The following PPM1L variants were observed in gnomAD, a reference collection of about 807,000 sequenced individuals.
PPM1L encodes protein phosphatase, Mg2+/Mn2+ dependent 1L, also known as protein phosphatase 1L.
PPM1L carries 13 observed loss-of-function variants against 31.4 expected under a neutral mutation model. The observed-to-expected ratio is 0.41, with a 90% CI of 0.27 to 0.66. The LOEUF (loss-of-function observed/expected upper bound fraction) is 0.66, where lower values mean the gene tolerates loss of function less well. Ranked by LOEUF, PPM1L falls within the 30% of genes least tolerant of loss-of-function variation. The pLI, the probability that PPM1L is intolerant of heterozygous loss-of-function variation, is 0.29. For synonymous variants in PPM1L, 184 were observed against 175.4 expected (o/e 1.05, Z -0.39); for missense variants, 326 against 453.7 (o/e 0.72, Z 2.56).
chr3:160,988,879 A>G (rs1717044063), intron 2 of PPM1L, among the ~76,000 whole-genome samples: 2 of 152,152 alleles, frequency 1.3e-5, no homozygotes, highest in Admixed American at 1.3e-4. Flanking sequence ...ATGATTTCAT[A>G]AACTAGTTCT....
chr3:160,831,881 A>T (rs1713535783), intron 1 of PPM1L, among the ~76,000 whole-genome samples: 1 of 152,170 alleles, frequency 6.6e-6, no homozygotes, highest in African/African-American at 2.4e-5. Context: ...ATCTCTCTTC[A>T]GTCCCTAGTA....
At chr3:160,939,545 G>T (rs1239062357) in intron 1 of PPM1L, 1 of 152,232 alleles carries the variant, frequency 6.6e-6, no homozygotes, top group Non-Finnish European at 1.5e-5. Context: ...GAATCATGGG[G>T]CCCTGTCTTT....
chr3:161,040,113 A>G (rs1718866707), intron 2 of PPM1L, among the ~76,000 whole-genome samples: 1 of 152,186 alleles, frequency 6.6e-6, no homozygotes. Context: ...AGAATTTGCC[A>G]TGGTTCATGA....
chr3:160,802,995 G>A (rs1712480518), intron 1 of PPM1L, among the ~76,000 whole-genome samples: 1 of 152,200 alleles, frequency 6.6e-6, no homozygotes, highest in South Asian at 2.1e-4. Flanking sequence ...TTAACTTCAA[G>A]ATACCTGGAT....
intron 2 of PPM1L, 150 bp from the exon 3 acceptor site, chr3:161,065,253 G>A: frequency 1.5e-6 from 1 of 672,498 alleles, no homozygotes; most frequent in Non-Finnish European, 2.6e-6. Flanking sequence ...TGTTGTCGAA[G>A]TGAACAGCCA....
intron 1 of PPM1L, among the ~76,000 whole-genome samples, chr3:160,925,330 G>T (rs1559889751): frequency 6.6e-6 from 1 of 152,076 alleles, no homozygotes; most frequent in East Asian, 1.9e-4. Context: ...TTTTTGAGAG[G>T]TTTTTTATTT....
At chr3:160,851,830 T>C (rs748336598) in intron 1 of PPM1L, among the ~76,000 whole-genome samples, 5 of 152,210 alleles carry the variant, frequency 3.3e-5, no homozygotes, top group Non-Finnish European at 7.3e-5. Context: ...TACTCCGTAG[T>C]GACCCTTTCC....
intron 1 of PPM1L, among the ~76,000 whole-genome samples, chr3:160,819,440 C>A (rs557917193): frequency 6.6e-6 from 1 of 152,088 alleles, no homozygotes; most frequent in South Asian, 2.1e-4. Flanking sequence ...ACAAATGAAG[C>A]CTGCACTACA....
chr3:160,897,042 C>CTTT (rs11298068), intron 1 of PPM1L, among the ~76,000 whole-genome samples: 5 of 107,434 alleles, frequency 4.7e-5, no homozygotes, highest in South Asian at 3.0e-4. Context: ...ACTACTGACT[C>CTTT]TTTTTTTTTT....
intron 2 of PPM1L, among the ~76,000 whole-genome samples, chr3:161,015,090 G>A (rs966254499): frequency 2.0e-5 from 3 of 149,202 alleles, no homozygotes; most frequent in African/African-American, 7.4e-5. Flanking sequence ...AGCAAAGGGG[G>A]GTGAATGGGA....
chr3:161,012,695 C>G (rs997262098), intron 2 of PPM1L, among the ~76,000 whole-genome samples: 86 of 151,966 alleles, frequency 5.7e-4, no homozygotes, highest in African/African-American at 1.4e-3. Flanking sequence ...ACAATTTCAG[C>G]TCCTGTTATT....
intron 2 of PPM1L, among the ~76,000 whole-genome samples, chr3:161,017,190 A>G (rs1476416153): frequency 1.3e-5 from 2 of 152,156 alleles, no homozygotes; most frequent in African/African-American, 4.8e-5. Flanking sequence ...CAGTTATCTT[A>G]AGGGTGAAAT....
intron 1 of PPM1L, among the ~76,000 whole-genome samples, chr3:160,772,147 G>T (rs1054843675): frequency 6.6e-6 from 1 of 152,040 alleles, no homozygotes; most frequent in Non-Finnish European, 1.5e-5. Flanking sequence ...GAAGTCATGG[G>T]GTAAAGAACT....
At chr3:160,843,423 CTTTTATAT>C (rs1166175464) in intron 1 of PPM1L, among the ~76,000 whole-genome samples, 4 of 28,544 alleles carry the variant, frequency 1.4e-4, no homozygotes, top group African/African-American at 5.1e-4. Context: ...TATGGCAATT[CTTTTATAT>C]ATATATATAT....
intron 1 of PPM1L, among the ~76,000 whole-genome samples, chr3:160,916,669 C>A (rs1002415593): frequency 6.6e-6 from 1 of 151,950 alleles, no homozygotes; most frequent in Admixed American, 6.6e-5. Flanking sequence ...AGATGAGTGC[C>A]AGTTTTATAT....
chr3:160,860,174 G>A (rs1264351651), intron 1 of PPM1L, among the ~76,000 whole-genome samples: 2 of 152,180 alleles, frequency 1.3e-5, no homozygotes, highest in African/African-American at 4.8e-5. Flanking sequence ...AATCTGGACT[G>A]AGGAGTTTAA....
chr3:161,057,047 G>A (rs1006180230), intron 2 of PPM1L, among the ~76,000 whole-genome samples: 3 of 151,244 alleles, frequency 2.0e-5, no homozygotes, highest in Non-Finnish European at 4.4e-5. Context: ...CGGGCAACAA[G>A]AGTGAACTCC....
intron 1 of PPM1L, among the ~76,000 whole-genome samples, chr3:160,816,676 A>G (rs1052114936): frequency 3.9e-5 from 6 of 152,166 alleles, no homozygotes; most frequent in Non-Finnish European, 8.8e-5. Context: ...AGGGGAAAAA[A>G]TCTAGAAAAC....
intron 1 of PPM1L, among the ~76,000 whole-genome samples, chr3:160,928,529 C>T (rs1296737772): frequency 2.6e-5 from 4 of 152,170 alleles, no homozygotes; most frequent in East Asian, 1.9e-4. Flanking sequence ...CTTCCGACTC[C>T]CTCTATTGGA....
Sources: gnomAD v4.1 joint callset for allele counts (sites outside exome capture counted in the v4.1 genomes callset) on GRCh38, gnomAD v4.1.1 for gene constraint, MANE v1.5 for transcripts, NCBI Gene and HGNC (gene_info 2026-07-23, HGNC 2026-07-21) for gene names.